The following ARHGAP39 variants were observed in gnomAD, a reference collection of about 807,000 sequenced individuals.
The protein encoded by ARHGAP39 is rho GTPase-activating protein 39.
A neutral mutation model predicts 106.9 loss-of-function variants in ARHGAP39; 44 were observed. That is an observed-to-expected ratio of 0.41 (90% CI 0.32 to 0.53). ARHGAP39 has a LOEUF of 0.53. Among genes scored for constraint, ARHGAP39 ranks in the 20% least tolerant of loss-of-function variants. The pLI is 0.21. For missense variants in ARHGAP39, 1,496 were observed against 1,577.3 expected (o/e 0.95, Z 0.87); for synonymous variants, 768 against 693.2 (o/e 1.11, Z -1.69).
At chr8:144,603,181 C>T (rs1449548360) in intron 2 of ARHGAP39, among the ~76,000 whole-genome samples, 2 of 100,310 alleles carry the variant, frequency 2.0e-5, no homozygotes, top group East Asian at 3.2e-4. Flanking sequence ...GCTCATGTAC[C>T]TGTGTGTGTG....
intron 2 of ARHGAP39, among the ~76,000 whole-genome samples, chr8:144,598,540 C>T (rs899392746): frequency 6.6e-6 from 1 of 152,202 alleles, no homozygotes; most frequent in Non-Finnish European, 1.5e-5. Context: ...GGCACAGTGC[C>T]CCTCACAGAG....
intron 4 of ARHGAP39, among the ~76,000 whole-genome samples, chr8:144,553,219 T>C (rs918302089): frequency 6.6e-6 from 1 of 152,162 alleles, no homozygotes; most frequent in African/African-American, 2.4e-5. Flanking sequence ...CAGGAGATGT[T>C]AGCACCGCTG....
chr8:144,582,674 G>A (rs1819037621), intron 2 of ARHGAP39, among the ~76,000 whole-genome samples: 1 of 152,166 alleles, frequency 6.6e-6, no homozygotes, highest in Non-Finnish European at 1.5e-5. Flanking sequence ...CTGGCTCAGG[G>A]GTCTGGCTGC....
At chr8:144,660,359 A>G (rs1821792438) in intron 1 of ARHGAP39, among the ~76,000 whole-genome samples, 2 of 152,214 alleles carry the variant, frequency 1.3e-5, no homozygotes, top group South Asian at 4.1e-4. Context: ...CCCTACTACC[A>G]TATTAAAGAA....
chr8:144,577,296 A>C (rs1299571862), intron 3 of ARHGAP39, among the ~76,000 whole-genome samples: 2 of 152,210 alleles, frequency 1.3e-5, no homozygotes, highest in Non-Finnish European at 2.9e-5. Flanking sequence ...ACATGAGACC[A>C]ACCAGTGTAA....
chr8:144,533,184 T>C lies in ARHGAP39; in HGVS notation c.2830A>G (p.Thr944Ala). ...YPERQLPWVQ[T>A]RLSEEVLALN... ...GCCAGCACCTCCTCAGAGAGCCGTG[T>C]CTGCACCCAGGGCAGCTGGCGCTCG... The change falls in exon 9 of 12, where the codon ACA (threonine) becomes GCA (alanine). Residue 944 changes from threonine (T) to alanine (A), a missense_variant. Thr to Ala is a moderately conservative substitution (Grantham distance 58, BLOSUM62 0). This residue lies in a region of ARHGAP39 where 470 missense variants were observed against 605.1 expected (regional missense o/e 0.78). Transcript: ENST00000377307. 6.2e-7 allele frequency: 1 copy of C among 1,611,968 alleles called. No individual in the cohort carries two copies. The highest frequency in any genetic ancestry group is 8.5e-7 in the Non-Finnish European group (1 of 1,179,848).
intron 4 of ARHGAP39, among the ~76,000 whole-genome samples, chr8:144,550,497 T>C (rs1248911724): frequency 6.6e-6 from 1 of 152,228 alleles, no homozygotes; most frequent in East Asian, 1.9e-4. Flanking sequence ...TGTGTCCCTC[T>C]GATTGATGTG....
intron 1 of ARHGAP39, among the ~76,000 whole-genome samples, chr8:144,661,767 A>T (rs902673815): frequency 6.6e-6 from 1 of 151,802 alleles, no homozygotes; most frequent in African/African-American, 2.4e-5. Context: ...GCCTTGGGCC[A>T]CTACCCGCCT....
In ARHGAP39 at chr8:144,641,218, A is replaced by G. The variant is rs112792453; in HGVS notation, c.-81-35523T>C. Among the ~76,000 whole-genome samples, 7,486 of 152,062 alleles carry G rather than the reference A, an allele frequency of 0.049. 477 individuals carry two copies. Among genetic ancestry groups the G allele is most frequent in the East Asian group, 0.24 (1,254 of 5,146 alleles). On this transcript the variant is annotated intron_variant, in intron 1 of 11. Transcript: ENST00000377307. The surrounding 1 kb of genome is among the most constrained non-coding windows in gnomAD (Gnocchi z 5.2). ...TCTGGTTCTCAGGTTCTAGTCTATG[A>G]CATCTGGGACCCTGGGGCACCGGTC...
intron 1 of ARHGAP39, among the ~76,000 whole-genome samples, chr8:144,669,367 C>T (rs1261845050): frequency 8.1e-6 from 1 of 123,112 alleles, no homozygotes; most frequent in Admixed American, 8.4e-5. Flanking sequence ...ATTAGCTGGG[C>T]GTGGTGGCGG....
Position 144,529,574 on chromosome 8 carries a change from G to A in ARHGAP39, c.*848C>T, listed in dbSNP as rs575323873. 3 of 152,320 alleles carry A rather than the reference G, an allele frequency of 2.0e-5. No individual in the cohort carries two copies. The highest frequency in any genetic ancestry group is 7.2e-5 in the African/African-American group (3 of 41,554). The allele number at this position is 152,320 out of a possible 1,614,324, so 9.4% of individuals were successfully genotyped here. ...TCAGAAGCCAAGAAAAAAGATCGGA[G>A]AAGAAAAGAAGGAATGACCTCAACT... On this transcript the variant is annotated 3_prime_UTR_variant, in exon 12 of 12. Transcript: ENST00000377307.
chr8:144,558,032 T>A (rs970933415), intron 3 of ARHGAP39, among the ~76,000 whole-genome samples: 1 of 152,200 alleles, frequency 6.6e-6, no homozygotes, highest in African/African-American at 2.4e-5. Flanking sequence ...CCACCTGCCA[T>A]CAGAGGCTGT....
At chr8:144,677,073 A>G (rs1214612085) in intron 1 of ARHGAP39, among the ~76,000 whole-genome samples, 2 of 152,242 alleles carry the variant, frequency 1.3e-5, no homozygotes, top group Non-Finnish European at 2.9e-5. Flanking sequence ...TGGCCTGCAT[A>G]TTTTTAAGGT....
chr8:144,614,362 T>C (rs1265039745), intron 1 of ARHGAP39, among the ~76,000 whole-genome samples: 1 of 151,966 alleles, frequency 6.6e-6, no homozygotes, highest in East Asian at 1.9e-4. Context: ...CTATTTTTTT[T>C]TTTTTTTTGA....
intron 1 of ARHGAP39, among the ~76,000 whole-genome samples, chr8:144,663,933 G>A (rs556540333): frequency 6.6e-6 from 1 of 152,336 alleles, no homozygotes; most frequent in African/African-American, 2.4e-5. Context: ...CTGGGTGGCT[G>A]AGACAGGCGG....
At chr8:144,621,472 G>C (rs921985301) in intron 1 of ARHGAP39, among the ~76,000 whole-genome samples, 1 of 152,228 alleles carries the variant, frequency 6.6e-6, no homozygotes, top group East Asian at 1.9e-4. Flanking sequence ...CCAGAGAAGA[G>C]GTTCTGAGGC....
intron 3 of ARHGAP39, 92 bp from the exon 4 acceptor site, chr8:144,555,735 C>CATT: frequency 4.6e-6 from 5 of 1,097,668 alleles, no homozygotes; most frequent in Non-Finnish European, 6.9e-6. Context: ...GGCACTGCCA[C>CATT]CTCAATTTCC....
intron 2 of ARHGAP39, among the ~76,000 whole-genome samples, chr8:144,583,459 G>A (rs562885615): frequency 4.6e-5 from 7 of 152,272 alleles, no homozygotes; most frequent in South Asian, 4.2e-4. Flanking sequence ...CCCACGGCCC[G>A]GGCGGGACTG....
intron 3 of ARHGAP39, among the ~76,000 whole-genome samples, chr8:144,564,069 A>G (rs1298529830): frequency 6.6e-6 from 1 of 152,236 alleles, no homozygotes; most frequent in East Asian, 1.9e-4. Context: ...TGCAGCAGAT[A>G]TATTTTCTGA....
Sources: gnomAD v4.1 joint callset for allele counts (sites outside exome capture counted in the v4.1 genomes callset) on GRCh38, gnomAD v4.1.1 for gene constraint, gnomAD v4.1.1 regional missense constraint, Gnocchi (gnomAD v3.1) non-coding constraint, MANE v1.5 for transcripts, NCBI Gene and HGNC (gene_info 2026-07-23, HGNC 2026-07-21) for gene names.